The following FAM168A variants were observed in gnomAD, a reference collection of about 807,000 sequenced individuals.
FAM168A encodes protein FAM168A.
FAM168A carries 3 observed loss-of-function variants against 28.5 expected under a neutral mutation model. The ratio of observed to expected loss-of-function variants is 0.11; its 90% CI spans 0.05 to 0.27. FAM168A has a LOEUF of 0.27. Ranked by LOEUF, FAM168A falls within the 10% of genes least tolerant of loss-of-function variation. The probability of loss-of-function intolerance (pLI) is 1.00; values close to 1 mark genes in which losing one functional copy is unlikely to be tolerated. For missense variants in FAM168A, 222 were observed against 311.5 expected (o/e 0.71, Z 2.16); for synonymous variants, 122 against 124.2 (o/e 0.98, Z 0.12).
rs372296647 is a variant in FAM168A, at chr11:73,430,691, T to G, written c.150A>C (p.Pro50=). The G allele has an allele frequency of 2.9e-5, 46 of 1,613,404 alleles. No homozygotes were observed. In the African/African-American group the frequency reaches 5.2e-4, roughly 18 times the overall value. The part of the protein sequence containing the change: ...LYPTNSPSYA[P]ATLLMKQAWP... ...ACTGCTGTCCCATTTCCTCCTTACC[T>G]GGAGCATAACTGGGACTATTGGTGG... The change falls in exon 3 of 8, where the codon CCA becomes CCC. Residue 50 remains proline, a splice_region_variant and synonymous_variant. Transcript: ENST00000356467.
chr11:73,559,368 C>T (rs757711638), intron 1 of FAM168A, among the ~76,000 whole-genome samples: 6 of 152,004 alleles, frequency 3.9e-5, no homozygotes, highest in Non-Finnish European at 8.8e-5. Flanking sequence ...GATCGCGCCA[C>T]TGCATCGAGC....
chr11:73,409,089 AAC>A (rs1428561120), intron 6 of FAM168A, among the ~76,000 whole-genome samples: 10 of 152,090 alleles, frequency 6.6e-5, no homozygotes, highest in Non-Finnish European at 1.5e-4. Flanking sequence ...CATTGTGTGC[AAC>A]AGAGGTACCA....
intron 2 of FAM168A, among the ~76,000 whole-genome samples, chr11:73,463,257 G>A (rs986147882): frequency 3.9e-5 from 6 of 152,098 alleles, no homozygotes; most frequent in East Asian, 1.9e-4. Context: ...GTGAGCCACC[G>A]CGCCCAGCCA....
At chr11:73,549,165 C>A (rs1303052426) in intron 1 of FAM168A, among the ~76,000 whole-genome samples, 1 of 152,140 alleles carries the variant, frequency 6.6e-6, no homozygotes, top group Non-Finnish European at 1.5e-5. Flanking sequence ...TGGTCTCGAA[C>A]TCCTGACCTC....
intron 1 of FAM168A, among the ~76,000 whole-genome samples, chr11:73,527,438 G>C (rs1418938134): frequency 6.6e-6 from 1 of 152,118 alleles, no homozygotes; most frequent in Non-Finnish European, 1.5e-5. Flanking sequence ...ATCACTTATT[G>C]AGCACTAGCA....
chr11:73,549,205 G>A (rs983468655), intron 1 of FAM168A, among the ~76,000 whole-genome samples: 4 of 152,096 alleles, frequency 2.6e-5, no homozygotes, highest in Admixed American at 6.5e-5. Flanking sequence ...GCCACCCAAA[G>A]TACTGGGATT....
Position 73,440,692 on chromosome 11 carries a change from A to G in FAM168A, c.71-9922T>C, listed in dbSNP as rs545285162. On this transcript the variant is annotated intron_variant, in intron 2 of 7. Coordinates refer to ENST00000356467, the MANE Select transcript of FAM168A (RefSeq NM_015159.3). Reference sequence around the variant, plus strand: ...GAATATCAGAGTCCCAGAGAATATCAGTATGACCTTGGGATTACAAAGTGT... The same window carrying G: ...GAATATCAGAGTCCCAGAGAATATCGGTATGACCTTGGGATTACAAAGTGT... Among the ~76,000 whole-genome samples the G allele has an allele frequency of 5.3e-5, 8 of 152,354 alleles. No homozygotes were observed. The East Asian group carries it at 1.3e-3, about 26-fold the overall frequency.
At chr11:73,496,890 C>CACACAA (rs1555027737) in intron 1 of FAM168A, among the ~76,000 whole-genome samples, 1 of 149,372 alleles carries the variant, frequency 6.7e-6, no homozygotes, top group African/African-American at 2.5e-5. Flanking sequence ...CACACACACA[C>CACACAA]ACACACACAC....
At position 73,580,200 on chromosome 11, in the gene FAM168A, C is replaced by T. The variant is rs1590747743; in HGVS notation, c.-19+17723G>A. 1.3e-5 allele frequency: 6 copies of T among 471,176 alleles called. No homozygotes were observed. In the East Asian group the frequency reaches 2.9e-4, roughly 23 times the overall value. 29.2% of individuals were successfully genotyped at this position (471,176 alleles called of 1,614,324 possible). A position where few individuals can be genotyped will look rare whatever the true frequency, so the allele number is the denominator to read the frequency against. ...CAGACCAACCAAAGCCTGTGCTCCG[C>T]TGCATCCCACGCCCAGTGCCTACGT... On this transcript the variant is annotated intron_variant, in intron 1 of 7. Coordinates refer to ENST00000356467, the MANE Select transcript of FAM168A (RefSeq NM_015159.3).
chr11:73,484,954 G>C (rs1868033963), intron 1 of FAM168A, among the ~76,000 whole-genome samples: 1 of 151,852 alleles, frequency 6.6e-6, no homozygotes, highest in Admixed American at 6.6e-5. Context: ...TTTTCTGCCT[G>C]CTTTATATTC....
chr11:73,474,304 T>G (rs77584707), intron 1 of FAM168A, among the ~76,000 whole-genome samples: 4,534 of 151,776 alleles, frequency 0.03, 236 homozygotes, highest in African/African-American at 0.11. Flanking sequence ...AGAGAATCTA[T>G]TCCTGAAAGC....
chr11:73,499,654 G>A (rs761360331), intron 1 of FAM168A, among the ~76,000 whole-genome samples: 12 of 152,028 alleles, frequency 7.9e-5, no homozygotes, highest in Non-Finnish European at 1.0e-4. Flanking sequence ...TTGCTAACTA[G>A]GATAACCAGT....
At chr11:73,570,978 A>G (rs546592610) in intron 1 of FAM168A, among the ~76,000 whole-genome samples, 2 of 152,304 alleles carry the variant, frequency 1.3e-5, no homozygotes, top group Admixed American at 6.5e-5. Flanking sequence ...TTATAGGCAA[A>G]TAAAACACAG....
At position 73,403,451 on chromosome 11, in the gene FAM168A, T is replaced by TGAG. The variant is rs1339719585; in HGVS notation, c.*3309_*3311dup. On this transcript the variant is annotated 3_prime_UTR_variant, in exon 8 of 8. Coordinates refer to ENST00000356467, the MANE Select transcript of FAM168A (RefSeq NM_015159.3). Reference sequence around the variant, plus strand: ...TTGCACTTGGGGAGAGGCAGTGGCATGAGGAGGAGAGAGGGGTTTGCATCC... The same window carrying TGAG: ...TTGCACTTGGGGAGAGGCAGTGGCATGAGGAGGAGGAGAGAGGGGTTTGCATCC... 1.3e-5 allele frequency: 2 copies of TGAG among 152,222 alleles called. No homozygotes were observed. Among genetic ancestry groups the TGAG allele is most frequent in the African/African-American group, 4.8e-5 (2 of 41,442 alleles). 9.4% of individuals were successfully genotyped at this position (152,222 alleles called of 1,614,324 possible).
chr11:73,440,600 A>G (rs553120515), intron 2 of FAM168A, among the ~76,000 whole-genome samples: 3 of 152,292 alleles, frequency 2.0e-5, no homozygotes, highest in African/African-American at 7.2e-5. Context: ...ACTGCACTCT[A>G]GCCTGGTGAC....
At chr11:73,583,044 C>T (rs1032916255) in intron 1 of FAM168A, among the ~76,000 whole-genome samples, 8 of 152,088 alleles carry the variant, frequency 5.3e-5, no homozygotes, top group Non-Finnish European at 8.8e-5. Context: ...ATGGCTCATG[C>T]CTATAGTCCC....
intron 1 of FAM168A, among the ~76,000 whole-genome samples, chr11:73,546,756 G>C (rs1202083741): frequency 6.6e-6 from 1 of 150,966 alleles, no homozygotes; most frequent in Non-Finnish European, 1.5e-5. Flanking sequence ...AAAGCTAGCT[G>C]TGATGAAGAT....
intron 1 of FAM168A, among the ~76,000 whole-genome samples, chr11:73,570,728 T>C (rs1308541595): frequency 6.1e-5 from 9 of 147,520 alleles, no homozygotes; most frequent in Non-Finnish European, 8.9e-5. Flanking sequence ...AGTGAGATAC[T>C]GTCTCAAAAA....
At chr11:73,527,550 T>G (rs1313431982) in intron 1 of FAM168A, among the ~76,000 whole-genome samples, 3 of 152,130 alleles carry the variant, frequency 2.0e-5, no homozygotes, top group Admixed American at 6.5e-5. Context: ...ATCACATCCA[T>G]TTTACAGATA....
Sources: allele counts gnomAD v4.1 joint callset (sites outside exome capture counted in the v4.1 genomes callset), GRCh38; gene constraint gnomAD v4.1.1; transcripts MANE v1.5; gene names NCBI Gene and HGNC (gene_info 2026-07-23, HGNC 2026-07-21).